The following PRCC variants were observed in gnomAD, a reference collection of about 807,000 sequenced individuals.
PRCC encodes proline rich mitotic checkpoint control factor.
In PRCC, 10 loss-of-function variants were observed where a neutral mutation model predicts 44.0. That is an observed-to-expected ratio of 0.23 (90% CI 0.14 to 0.39). The LOEUF (loss-of-function observed/expected upper bound fraction) is 0.39, where lower values mean the gene tolerates loss of function less well. PRCC is among the 10% of genes least tolerant of loss of function. The pLI, the probability that PRCC is intolerant of heterozygous loss-of-function variation, is 1.00. For missense variants in PRCC, 573 were observed against 624.7 expected, an observed-to-expected ratio of 0.92 and a Z score of 0.88; for synonymous variants, 278 against 259.5, an observed-to-expected ratio of 1.07 and a Z score of -0.69.
chr1:156,779,140 T>C, intron 1 of PRCC, among the ~76,000 whole-genome samples: 1 of 52,942 alleles, frequency 1.9e-5, no homozygotes, highest in Non-Finnish European at 3.6e-5. Flanking sequence ...TTTTTTTTTT[T>C]TTTTTTTTTT....
intron 1 of PRCC, among the ~76,000 whole-genome samples, chr1:156,778,304 G>T (rs898100019): frequency 2.6e-5 from 4 of 152,030 alleles, no homozygotes; most frequent in Non-Finnish European, 5.9e-5. Context: ...TGTCTGCTTG[G>T]CTTATTTCTC....
chr1:156,777,199 G>A (rs1651859622), intron 1 of PRCC, among the ~76,000 whole-genome samples: 1 of 152,140 alleles, frequency 6.6e-6, no homozygotes, highest in African/African-American at 2.4e-5. Context: ...TCTCTCAGCT[G>A]TGTCGTGTGG....
chr1:156,778,225 C>T (rs181228379), intron 1 of PRCC, among the ~76,000 whole-genome samples: 194 of 152,290 alleles, frequency 1.3e-3, no homozygotes, highest in Non-Finnish European at 1.9e-3. Flanking sequence ...CCATTGTACT[C>T]TCTGCTTCTA....
intron 4 of PRCC, among the ~76,000 whole-genome samples, chr1:156,793,518 A>G (rs1279267496): frequency 2.0e-5 from 3 of 151,622 alleles, no homozygotes; most frequent in Non-Finnish European, 4.4e-5. Context: ...CTTTACCTTA[A>G]AAGCTTTTGA....
intron 4 of PRCC, among the ~76,000 whole-genome samples, 197 bp from the exon 5 acceptor site, chr1:156,794,467 AG>A (rs1178534026): frequency 6.6e-6 from 1 of 152,138 alleles, no homozygotes; most frequent in African/African-American, 2.4e-5. Context: ...TCCTGGGTTC[AG>A]GAGACGTTCT....
intron 2 of PRCC, among the ~76,000 whole-genome samples, chr1:156,783,880 G>C (rs1652138909): frequency 6.6e-6 from 1 of 152,112 alleles, no homozygotes; most frequent in Non-Finnish European, 1.5e-5. Context: ...AGCAGTTTTA[G>C]AAGGACGTAG....
chr1:156,788,238 A>G (rs1329347591), intron 3 of PRCC, among the ~76,000 whole-genome samples: 1 of 152,156 alleles, frequency 6.6e-6, no homozygotes, highest in Non-Finnish European at 1.5e-5. Flanking sequence ...GTTCCTATTT[A>G]TAAGTGAAAA....
At chr1:156,776,469 T>TA (rs1651833034) in intron 1 of PRCC, among the ~76,000 whole-genome samples, 1 of 97,976 alleles carries the variant, frequency 1.0e-5, no homozygotes, top group Admixed American at 9.4e-5. Context: ...TTTATAGAGG[T>TA]TTTTTTTTTG....
At chr1:156,775,065 G>A (rs369231788) in intron 1 of PRCC, among the ~76,000 whole-genome samples, 3 of 151,892 alleles carry the variant, frequency 2.0e-5, no homozygotes, top group Non-Finnish European at 4.4e-5. Context: ...TGGCTAACAC[G>A]GTGAAACCCC....
In PRCC at chr1:156,782,323, C is replaced by T. The variant is rs1466612613; in HGVS notation, c.510C>T (p.Ile170=). ...ATGAACCCACAAAGAAGAAAACTAT[C>T]CTTCAGGTAAGCATTGTGATATAAA... ...EEDEPTKKKT[I]LQGSSEGTGL... is the part of the protein sequence containing the mutation. Residue 170 remains isoleucine, a synonymous_variant, in exon 2 of 7, where the codon ATC becomes ATT. Coordinates refer to ENST00000271526, the MANE Select transcript of PRCC (RefSeq NM_005973.5). 1.4e-5 allele frequency: 23 copies of T among 1,606,450 alleles called. No homozygotes were observed. Among genetic ancestry groups the T allele is most frequent in the African/African-American group, 4.0e-5 (3 of 74,940 alleles).
chr1:156,773,007 C>T (rs1651688936), intron 1 of PRCC, among the ~76,000 whole-genome samples: 1 of 151,974 alleles, frequency 6.6e-6, no homozygotes, highest in Non-Finnish European at 1.5e-5. Context: ...CTGGGGCAGC[C>T]AGAAAGCAGA....
At chr1:156,783,711 A>ACTC (rs1652130075) in intron 2 of PRCC, among the ~76,000 whole-genome samples, 2 of 152,190 alleles carry the variant, frequency 1.3e-5, no homozygotes, top group South Asian at 4.1e-4. Context: ...GTGCCACTGC[A>ACTC]CTCCAGCCTT....
In PRCC at chr1:156,768,238, A is replaced by G. The variant is rs1437325031; in HGVS notation, c.467A>G (p.Asp156Gly). The G allele has an allele frequency of 1.3e-6, 2 of 1,540,194 alleles. No individual in the cohort carries two copies. Among genetic ancestry groups the G allele is most frequent in the African/African-American group, 2.7e-5 (2 of 73,172 alleles). Residue 156 changes from aspartate (D) to glycine (G), a missense_variant and splice_region_variant, in exon 1 of 7, where the codon GAT becomes GGT. By Grantham distance (94) the Asp-to-Gly change is moderately conservative. This residue lies in a region of PRCC where 118 missense variants were observed against 166.7 expected (regional missense o/e 0.71). Transcript: ENST00000271526. ...KIAAPELHKG[D>G]SDSEEDEPTK... ...GCGGCGCCGGAGTTGCATAAGGGAG[A>G]TGTGAGTATCCGGGGAAGGCACCCC... is the stretch of plus-strand genomic sequence containing the variant.
Position 156,768,181 on chromosome 1 carries a change from A to G in PRCC, c.410A>G (p.Lys137Arg). The G allele has an allele frequency of 6.4e-7, 1 of 1,551,014 alleles. No individual in the cohort carries two copies. The highest frequency in any genetic ancestry group is 8.7e-7 in the Non-Finnish European group (1 of 1,148,196). ...GGAGPPLGLP[K>R]PKKRKEPVKI... ...GCCGGTCCCCCGCTGGGGCTTCCCA[A>G]GCCAAAGAAGAGGAAAGAGCCCGTG... Residue 137 changes from lysine (K) to arginine (R), a missense_variant, in exon 1 of 7, where the codon AAG becomes AGG. Physicochemically the swap from Lys to Arg is conservative, Grantham distance 26 (BLOSUM62 2). Coordinates refer to ENST00000271526, the MANE Select transcript of PRCC (RefSeq NM_005973.5).
intron 2 of PRCC, 105 bp from the exon 3 acceptor site, chr1:156,786,503 T>G: frequency 8.3e-7 from 1 of 1,205,972 alleles, no homozygotes; most frequent in Middle Eastern, 2.0e-4. Flanking sequence ...CTGGTAAGAT[T>G]TTAGGCTAGA....
In PRCC at chr1:156,787,119, G is replaced by C; in HGVS notation, c.1028G>C (p.Ser343Thr). 1 of 1,613,738 alleles carries C rather than the reference G, an allele frequency of 6.2e-7. No homozygotes were observed. The highest frequency in any genetic ancestry group is 8.5e-7 in the Non-Finnish European group (1 of 1,179,708). ...ATGCCTAAGCCTGGGGACGACTACA[G>C]CTACAATCAGTTTTCCACATATGGC... ...PWMPKPGDDYSYNQFSTYGDA... is the reference protein window; with the variant it reads ...PWMPKPGDDYTYNQFSTYGDA... The change falls in exon 3 of 7, where the codon AGC becomes ACC. Residue 343 changes from serine (S) to threonine (T), a missense_variant. Physicochemically the swap from Ser to Thr is moderately conservative, Grantham distance 58. This residue lies in a region of PRCC where 141 missense variants were observed against 130.2 expected (regional missense o/e 1.08). Transcript: ENST00000271526.
At chr1:156,784,183 G>A (rs887949578) in intron 2 of PRCC, among the ~76,000 whole-genome samples, 5 of 152,110 alleles carry the variant, frequency 3.3e-5, no homozygotes, top group Admixed American at 2.6e-4. Flanking sequence ...TCCTGACCTC[G>A]TGATCTGCCC....
intron 1 of PRCC, among the ~76,000 whole-genome samples, chr1:156,776,745 C>T (rs1367002744): frequency 6.6e-6 from 1 of 152,052 alleles, no homozygotes; most frequent in Non-Finnish European, 1.5e-5. Context: ...TGCCATTGGA[C>T]CTGTTGCCTA....
At chr1:156,787,240 G>A in intron 3 of PRCC, 66 bp downstream of exon 3, 1 of 1,500,904 alleles carries the variant, frequency 6.7e-7, no homozygotes, top group Non-Finnish European at 9.0e-7. Flanking sequence ...AGAGCTTTGA[G>A]CTAGTGATAC....
Sources: gnomAD v4.1 joint callset for allele counts (sites outside exome capture counted in the v4.1 genomes callset) on GRCh38, gnomAD v4.1.1 for gene constraint, gnomAD v4.1.1 regional missense constraint, MANE v1.5 for transcripts, NCBI Gene and HGNC (gene_info 2026-07-23, HGNC 2026-07-21) for gene names.